Variants in BTBD7 observed in about 807,000 individuals in gnomAD.
The protein encoded by BTBD7 is BTB/POZ domain-containing protein 7.
A neutral mutation model predicts 99.9 loss-of-function variants in BTBD7; 38 were observed. The ratio of observed to expected loss-of-function variants is 0.38; its 90% confidence interval spans 0.29 to 0.50. The LOEUF (loss-of-function observed/expected upper bound fraction) is 0.50. Among genes scored for constraint, BTBD7 ranks in the 20% least tolerant of loss-of-function variants. The pLI is 0.93. For synonymous variants in BTBD7, 520 were observed against 511.4 expected, an observed-to-expected ratio of 1.02 and a Z score of -0.23; for missense variants, 1,170 against 1,394.6, an observed-to-expected ratio of 0.84 and a Z score of 2.57.
intron 3 of BTBD7, among the ~76,000 whole-genome samples, chr14:93,265,775 A>G (rs2052535277): frequency 6.6e-6 from 1 of 152,214 alleles, no homozygotes; most frequent in Non-Finnish European, 1.5e-5. Flanking sequence ...TACAAAAATC[A>G]GCTGGGTGTG....
At chr14:93,298,834 C>G (rs543435395) in intron 1 of BTBD7, among the ~76,000 whole-genome samples, 1 of 152,156 alleles carries the variant, frequency 6.6e-6, no homozygotes, top group Middle Eastern at 3.2e-3. Flanking sequence ...ACTGGAGAAA[C>G]AAGAACAAGT....
chr14:93,316,202 C>T (rs369053638), intron 1 of BTBD7, among the ~76,000 whole-genome samples: 6 of 151,710 alleles, frequency 4.0e-5, no homozygotes, highest in African/African-American at 1.5e-4. Context: ...GATCTACCCA[C>T]CTTGGCCTCC....
At chr14:93,300,782 A>ATTTT (rs1181481151) in intron 1 of BTBD7, among the ~76,000 whole-genome samples, 1 of 63,758 alleles carries the variant, frequency 1.6e-5, no homozygotes, top group African/African-American at 7.9e-5. Context: ...GTATATATAT[A>ATTTT]TATATTTTTT....
At position 93,332,818 on chromosome 14, in the gene BTBD7, A is replaced by T. The variant is rs866679021; in HGVS notation, c.-107+2T>A. 2.0e-6 allele frequency: 3 copies of T among 1,471,838 alleles called. No homozygotes were observed. The highest frequency in any genetic ancestry group is 2.7e-6 in the Non-Finnish European group (3 of 1,118,344). 91.2% of individuals were successfully genotyped at this position (1,471,838 alleles called of 1,614,324 possible). ...GCCTCAGAGACACCAAGGGACACTC[A>T]CCCCGGAGGCTCCTCCCGCCGCTGC... On this transcript the variant is annotated splice_donor_variant, in intron 1 of 10. Transcript: ENST00000334746. LOFTEE classifies it low-confidence loss of function (5UTR_SPLICE).
At chr14:93,332,002 G>A (rs559504602) in intron 1 of BTBD7, among the ~76,000 whole-genome samples, 1 of 152,064 alleles carries the variant, frequency 6.6e-6, no homozygotes, top group Admixed American at 6.5e-5. Flanking sequence ...AACCAAGACT[G>A]CTTCTGTAAA....
In BTBD7 at chr14:93,270,298, G is replaced by GTCT. The variant is rs1480347706; in HGVS notation, c.1163-6306_1163-6305insAGA. Among the ~76,000 whole-genome samples, 2 of 152,060 alleles carry GTCT rather than the reference G, an allele frequency of 1.3e-5. 1 individual carries two copies. The highest frequency in any genetic ancestry group is 3.9e-4 in the East Asian group (2 of 5,070). On this transcript the variant is annotated intron_variant, in intron 3 of 10. Coordinates refer to ENST00000334746, the MANE Select transcript of BTBD7 (RefSeq NM_001002860.4). Reference sequence around the variant, plus strand: ...TTTAGTAGAGACGGGATTTTGCCATGTTGGCCAGGCTAGTCTTGAACTCCT... The same window carrying GTCT: ...TTTAGTAGAGACGGGATTTTGCCATGTCTTTGGCCAGGCTAGTCTTGAACTCCT...
chr14:93,302,629 G>C (rs1411733285), intron 1 of BTBD7, among the ~76,000 whole-genome samples: 1 of 152,058 alleles, frequency 6.6e-6, no homozygotes, highest in Non-Finnish European at 1.5e-5. Context: ...GGCGGATCAC[G>C]AGGTCAGGAG....
intron 1 of BTBD7, among the ~76,000 whole-genome samples, chr14:93,319,258 C>T (rs567926883): frequency 6.6e-6 from 1 of 152,188 alleles, no homozygotes; most frequent in East Asian, 1.9e-4. Flanking sequence ...ACAAAATCTG[C>T]TCTGGTCCTT....
chr14:93,246,414 A>G (rs577492241), intron 9 of BTBD7, 128 bp from the exon 10 acceptor site: 1 of 1,098,212 alleles, frequency 9.1e-7, no homozygotes, highest in African/African-American at 1.6e-5. Context: ...AAAGCATAAT[A>G]TATTTTTCTA....
intron 1 of BTBD7, among the ~76,000 whole-genome samples, chr14:93,303,067 A>C (rs2053024066): frequency 6.6e-6 from 1 of 152,208 alleles, no homozygotes; most frequent in Non-Finnish European, 1.5e-5. Flanking sequence ...TTCGGAACAC[A>C]ATAGAGGAAC....
At position 93,246,082 on chromosome 14, in the gene BTBD7, G is replaced by A. The variant is rs1257525736; in HGVS notation, c.2326C>T (p.Leu776Phe). The A allele has an allele frequency of 1.3e-6, 2 of 1,571,278 alleles. No individual in the cohort carries two copies. The highest frequency in any genetic ancestry group is 3.7e-5 in the Admixed American group (2 of 53,722). Residue 776 changes from leucine (L) to phenylalanine (F), a missense_variant, in exon 10 of 11, where the codon CTC becomes TTC. Physicochemically the swap from Leu to Phe is conservative, Grantham distance 22. Coordinates refer to ENST00000334746, the MANE Select transcript of BTBD7 (RefSeq NM_001002860.4). ...GGTCTTTGCTTCCAGCCTGCTTTGA[G>A]TTGGTTATGGATTGGGGTAGCTGGG... is the stretch of plus-strand genomic sequence containing the variant. ...HPPATPIHNQ[L>F]KAGWKQRPPS...
chr14:93,296,121 T>A lies in BTBD7; in HGVS notation c.-70A>T. On this transcript the variant is annotated 5_prime_UTR_variant, in exon 2 of 11. In the 5' UTR this introduces an upstream ATG that the reference lacks. Transcript: ENST00000334746. ...ATAATCCCAGAGGCCTTTATGAACC[T>A]TCAACCCTGGATCCAGCAGCCTCTT... is the stretch of plus-strand genomic sequence containing the variant. 1.3e-6 allele frequency: 2 copies of A among 1,510,572 alleles called. No homozygotes were observed. Among genetic ancestry groups the A allele is most frequent in the African/African-American group, 1.4e-5 (1 of 71,562 alleles). 93.6% of individuals were successfully genotyped at this position (1,510,572 alleles called of 1,614,324 possible). A position where few individuals can be genotyped will look rare whatever the true frequency, so the allele number is the denominator to read the frequency against.
At chr14:93,320,030 AT>A (rs2053252683) in intron 1 of BTBD7, among the ~76,000 whole-genome samples, 1 of 152,212 alleles carries the variant, frequency 6.6e-6, no homozygotes, top group African/African-American at 2.4e-5. Context: ...TCTCAATAGA[AT>A]TCAAAAGAGG....
chr14:93,272,997 C>T (rs1008629023), intron 3 of BTBD7, among the ~76,000 whole-genome samples: 19 of 152,238 alleles, frequency 1.2e-4, no homozygotes, highest in Non-Finnish European at 2.5e-4. Context: ...GCTGTGCTTT[C>T]GGCATGCACT....
In BTBD7 at chr14:93,242,174, G is replaced by T; in HGVS notation, c.*99C>A. On this transcript the variant is annotated 3_prime_UTR_variant, in exon 11 of 11. Transcript: ENST00000334746. ...CTAGAACAAAATCATGTGAAACCGA[G>T]TTATCAGCTGGCATTGATGAACTGG... The T allele has an allele frequency of 1.9e-6, 2 of 1,068,386 alleles. No individual in the cohort carries two copies. The highest frequency in any genetic ancestry group is 2.7e-6 in the Non-Finnish European group (2 of 731,656). The allele number at this position is 1,068,386 out of a possible 1,614,324, so 66.2% of individuals were successfully genotyped here. A position where few individuals can be genotyped will look rare whatever the true frequency, so the allele number is the denominator to read the frequency against.
intron 1 of BTBD7, among the ~76,000 whole-genome samples, chr14:93,315,501 G>A (rs1264528277): frequency 7.0e-4 from 106 of 152,144 alleles, no homozygotes; most frequent in Non-Finnish European, 1.3e-4. Context: ...CATCTGTGCA[G>A]CCATCAGTGG....
chr14:93,284,875 G>A (rs935494970), intron 3 of BTBD7, among the ~76,000 whole-genome samples: 1 of 152,030 alleles, frequency 6.6e-6, no homozygotes, highest in Non-Finnish European at 1.5e-5. Context: ...CAGAGGGTCA[G>A]AGGTGAAGAG....
chr14:93,293,981 A>C lies in BTBD7; in HGVS notation c.1039T>G (p.Ser347Ala). 6.2e-7 allele frequency: 1 copy of C among 1,613,824 alleles called. No individual in the cohort carries two copies. The change falls in exon 3 of 11, where the codon TCT becomes GCT. Residue 347 changes from serine to alanine, a missense_variant. Ser to Ala is a moderately conservative substitution (Grantham distance 99). Transcript: ENST00000334746. Reference sequence around the variant, plus strand: ...TGAACTTCACTGAGACTCCCCACAGAGGGGCTACAGTGCAAAACAGAGAGG... The same window carrying C: ...TGAACTTCACTGAGACTCCCCACAGCGGGGCTACAGTGCAAAACAGAGAGG... ...VDLSVLHCSP[S>A]VGSLSEVQAL... is the part of the protein sequence containing the mutation.
chr14:93,285,439 A>G (rs2052765723), intron 3 of BTBD7, among the ~76,000 whole-genome samples: 4 of 152,232 alleles, frequency 2.6e-5, no homozygotes, highest in Admixed American at 6.5e-5. Flanking sequence ...TAAATTTCAT[A>G]TTGTAAAGAT....
Sources: gnomAD v4.1 joint callset for allele counts (sites outside exome capture counted in the v4.1 genomes callset) on GRCh38, gnomAD v4.1.1 for gene constraint, MANE v1.5 for transcripts, NCBI Gene and HGNC (gene_info 2026-07-23, HGNC 2026-07-21) for gene names.